GRID1: variants seen among roughly 807,000 people sequenced by gnomAD.
The protein encoded by GRID1 is glutamate ionotropic receptor delta type subunit 1, also known as glutamate receptor ionotropic, delta-1.
GRID1 carries 28 observed loss-of-function variants against 98.0 expected under a neutral mutation model. That is an observed-to-expected ratio of 0.29 (90% confidence interval 0.21 to 0.39). The LOEUF is 0.39. Ranked by LOEUF, GRID1 falls within the 10% of genes least tolerant of loss-of-function variation. The pLI, the probability that GRID1 is intolerant of heterozygous loss-of-function variation, is 1.00. For synonymous variants in GRID1, 553 were observed against 538.5 expected, an observed-to-expected ratio of 1.03 and a Z score of -0.37; for missense variants, 1,111 against 1,340.5, an observed-to-expected ratio of 0.83 and a Z score of 2.67.
In GRID1 at chr10:85,599,691, G is replaced by A. The variant is rs1413855396; in HGVS notation, c.*2582C>T. 1.1e-4 allele frequency: 16 copies of A among 148,200 alleles called. No individual in the cohort carries two copies. The highest frequency in any genetic ancestry group is 2.8e-4 in the African/African-American group (11 of 39,946). 9.2% of individuals were successfully genotyped at this position (148,200 alleles called of 1,614,324 possible). ...AAAGCATGAAAAAAAGATACATTCTGAGCTGACACAGAAATCTGAGTTGGG... is the reference window on the plus strand; with the variant it reads ...AAAGCATGAAAAAAAGATACATTCTAAGCTGACACAGAAATCTGAGTTGGG... On this transcript the variant is annotated 3_prime_UTR_variant, in exon 16 of 16. Coordinates refer to ENST00000327946, the MANE Select transcript of GRID1 (RefSeq NM_017551.3).
intron 4 of GRID1, among the ~76,000 whole-genome samples, chr10:86,109,965 GC>G: frequency 7.5e-6 from 1 of 132,902 alleles, no homozygotes; most frequent in African/African-American, 2.8e-5. Flanking sequence ...CTTAAACTCT[GC>G]CATTCTTTTT....
At position 85,692,002 on chromosome 10, in the gene GRID1, T is replaced by C. The variant is rs545648712; in HGVS notation, c.1997+31001A>G. On this transcript the variant is annotated intron_variant, in intron 12 of 15. Coordinates refer to ENST00000327946, the MANE Select transcript of GRID1 (RefSeq NM_017551.3). ...TTCTACATCACACTGTGCAATGAGC[T>C]GCCAATGGGGCAGCTTGTTCTCAGC... Among the ~76,000 whole-genome samples the C allele has an allele frequency of 7.4e-4, 112 of 152,258 alleles. 1 individual carries two copies. Among genetic ancestry groups the C allele is most frequent in the Middle Eastern group, 3.4e-3 (1 of 294 alleles).
At chr10:85,820,078 GT>G in intron 8 of GRID1, among the ~76,000 whole-genome samples, 2 of 105,336 alleles carry the variant, frequency 1.9e-5, no homozygotes, top group South Asian at 3.3e-4. Context: ...AGGAAGGCAG[GT>G]AGGCAGGCAG....
At chr10:85,729,481 A>G (rs4130360) in intron 9 of GRID1, 32 bp downstream of exon 9, 101,628 of 1,262,370 alleles carry the variant, frequency 0.081, 4,639 homozygotes, top group Middle Eastern at 0.12. Flanking sequence ...TGGATGGTGT[A>G]GCTCGCTCCC....
At chr10:85,928,392 C>T (rs993992309) in intron 4 of GRID1, among the ~76,000 whole-genome samples, 6 of 152,238 alleles carry the variant, frequency 3.9e-5, no homozygotes, top group African/African-American at 1.4e-4. Context: ...AGGGAAAGGT[C>T]TGCAAGGATA....
At chr10:85,684,674 A>T (rs1307383773) in intron 12 of GRID1, among the ~76,000 whole-genome samples, 1 of 152,250 alleles carries the variant, frequency 6.6e-6, no homozygotes, top group Non-Finnish European at 1.5e-5. Flanking sequence ...GAGAAGAAAC[A>T]AAATGCATAA....
chr10:86,142,446 G>A (rs1845023870), intron 3 of GRID1, among the ~76,000 whole-genome samples: 1 of 152,238 alleles, frequency 6.6e-6, no homozygotes, highest in Admixed American at 6.5e-5. Context: ...GTCAGCCCCA[G>A]GGCAAGGCCA....
At chr10:86,211,361 C>T (rs1023023067) in intron 2 of GRID1, among the ~76,000 whole-genome samples, 2 of 152,198 alleles carry the variant, frequency 1.3e-5, no homozygotes, top group Non-Finnish European at 2.9e-5. Context: ...ATGACCCATC[C>T]ATCAGCTGGG....
intron 4 of GRID1, among the ~76,000 whole-genome samples, chr10:86,021,193 C>A (rs896406081): frequency 6.6e-6 from 1 of 152,138 alleles, no homozygotes; most frequent in Non-Finnish European, 1.5e-5. Context: ...CAAATGGAAG[C>A]CAAGCAAATT....
chr10:85,695,383 G>A (rs1429920792), intron 12 of GRID1, among the ~76,000 whole-genome samples: 2 of 152,162 alleles, frequency 1.3e-5, no homozygotes, highest in Non-Finnish European at 2.9e-5. Context: ...TTGGAACCTA[G>A]CTTTCCTGAA....
chr10:86,136,986 T>C (rs1392336732), intron 4 of GRID1, among the ~76,000 whole-genome samples: 1 of 151,430 alleles, frequency 6.6e-6, no homozygotes, highest in Admixed American at 6.6e-5. Flanking sequence ...AAAATAATGG[T>C]CTGACAAAAA....
At chr10:85,931,748 A>T (rs1351185900) in intron 4 of GRID1, among the ~76,000 whole-genome samples, 3 of 152,234 alleles carry the variant, frequency 2.0e-5, no homozygotes, top group Non-Finnish European at 4.4e-5. Context: ...TATAAAAGAC[A>T]TTCCTCAAAT....
chr10:85,934,971 G>C (rs1467581650), intron 4 of GRID1, among the ~76,000 whole-genome samples: 1 of 152,196 alleles, frequency 6.6e-6, no homozygotes, highest in Non-Finnish European at 1.5e-5. Flanking sequence ...AAATTCTAAA[G>C]AAAGTTCATG....
At chr10:86,334,588 C>G (rs1321051693) in intron 2 of GRID1, among the ~76,000 whole-genome samples, 1 of 152,200 alleles carries the variant, frequency 6.6e-6, no homozygotes, top group Non-Finnish European at 1.5e-5. Flanking sequence ...GTCTAAATGC[C>G]CTTCTTCTAC....
chr10:85,636,421 A>T, intron 13 of GRID1, among the ~76,000 whole-genome samples: 1 of 152,210 alleles, frequency 6.6e-6, no homozygotes, highest in Non-Finnish European at 1.5e-5. Flanking sequence ...TTAAGGAAGA[A>T]ATTTACATGT....
chr10:86,035,604 C>T lies in GRID1; in HGVS notation c.726+103215G>A, dbSNP rs548534099. ...GGTCTATGAAGGGTTCCCAGAGTCC[C>T]CTCTCAATGCAGGACTTTTTGTACA... On this transcript the variant is annotated intron_variant, in intron 4 of 15. Coordinates refer to ENST00000327946, the MANE Select transcript of GRID1 (RefSeq NM_017551.3). Among the ~76,000 whole-genome samples, 7 of 152,206 alleles carry T rather than the reference C, an allele frequency of 4.6e-5. No homozygotes were observed. In the South Asian group the frequency reaches 1.5e-3, roughly 32 times the overall value.
intron 2 of GRID1, among the ~76,000 whole-genome samples, chr10:86,348,803 A>G (rs1386470435): frequency 6.6e-6 from 1 of 152,250 alleles, no homozygotes; most frequent in Non-Finnish European, 1.5e-5. Context: ...GACTCATCAC[A>G]GACCTCGCTG....
intron 2 of GRID1, among the ~76,000 whole-genome samples, chr10:86,322,987 T>C (rs1451980467): frequency 1.3e-5 from 2 of 151,210 alleles, no homozygotes; most frequent in East Asian, 2.0e-4. Context: ...CCCAGCTCCT[T>C]GGGATGCCGA....
chr10:86,023,392 A>G (rs1843075799), intron 4 of GRID1, among the ~76,000 whole-genome samples: 1 of 152,132 alleles, frequency 6.6e-6, no homozygotes, highest in African/African-American at 2.4e-5. Flanking sequence ...CCACAAGCTA[A>G]GTACTAATCT....
Sources: gnomAD v4.1 joint callset for allele counts (sites outside exome capture counted in the v4.1 genomes callset) on GRCh38, gnomAD v4.1.1 for gene constraint, MANE v1.5 for transcripts, NCBI Gene and HGNC (gene_info 2026-07-23, HGNC 2026-07-21) for gene names.